Variants in DLG2 observed in about 807,000 individuals in gnomAD.
The protein encoded by DLG2 is discs large MAGUK scaffold protein 2, also known as disks large homolog 2.
A neutral mutation model predicts 132.5 loss-of-function variants in DLG2; 45 were observed. The ratio of observed to expected loss-of-function variants is 0.34; its 90% confidence interval spans 0.27 to 0.44. The LOEUF is 0.44. Ranked by LOEUF, DLG2 falls within the 20% of genes least tolerant of loss-of-function variation. The pLI is 1.00. For missense variants in DLG2, 1,045 were observed against 1,196.9 expected (o/e 0.87, Z 1.87); for synonymous variants, 424 against 419.6 (o/e 1.01, Z -0.13).
At chr11:85,502,175 A>T (rs181747684) in intron 3 of DLG2, among the ~76,000 whole-genome samples, 2 of 152,054 alleles carry the variant, frequency 1.3e-5, no homozygotes, top group Non-Finnish European at 1.5e-5. Flanking sequence ...AGATCAGAAA[A>T]CCAAACAGCT....
intron 6 of DLG2, among the ~76,000 whole-genome samples, chr11:84,715,964 G>C (rs1388848629): frequency 6.6e-6 from 1 of 151,982 alleles, no homozygotes; most frequent in African/African-American, 2.4e-5. Context: ...AATTCTATTT[G>C]TAATACATTT....
chr11:84,999,235 G>A (rs1298736918), intron 6 of DLG2, among the ~76,000 whole-genome samples: 1 of 152,010 alleles, frequency 6.6e-6, no homozygotes, highest in African/African-American at 2.4e-5. Flanking sequence ...TACATTACAA[G>A]GTTGCTAGGC....
intron 3 of DLG2, among the ~76,000 whole-genome samples, chr11:85,350,324 G>A (rs1392696952): frequency 1.3e-5 from 2 of 152,130 alleles, no homozygotes; most frequent in East Asian, 3.8e-4. Flanking sequence ...TGTCAGATGA[G>A]TAGATTGCAA....
chr11:83,524,433 T>C (rs2095556903), intron 21 of DLG2, among the ~76,000 whole-genome samples: 2 of 152,160 alleles, frequency 1.3e-5, no homozygotes, highest in Admixed American at 1.3e-4. Context: ...ACACTTTTTT[T>C]TTTTCCTGCT....
intron 18 of DLG2, among the ~76,000 whole-genome samples, chr11:83,711,243 G>C (rs985707282): frequency 6.6e-6 from 1 of 152,220 alleles, no homozygotes; most frequent in African/African-American, 2.4e-5. Flanking sequence ...GCTGTGTAAA[G>C]GGACAATCAC....
At chr11:84,811,719 T>G (rs930305409) in intron 6 of DLG2, among the ~76,000 whole-genome samples, 4 of 152,194 alleles carry the variant, frequency 2.6e-5, no homozygotes, top group African/African-American at 9.6e-5. Context: ...ATCCATTTAT[T>G]TATTTAAAAA....
At position 83,866,957 on chromosome 11, in the gene DLG2, T is replaced by C. The variant is rs535885645; in HGVS notation, c.1565+7463A>G. Among the ~76,000 whole-genome samples the C allele has an allele frequency of 8.5e-5, 13 of 152,310 alleles. No individual in the cohort carries two copies. In the South Asian group the frequency reaches 2.5e-3, roughly 29 times the overall value. ...AAACCAGAAGCCTACAGTTTGGAGA[T>C]ATTATTCCTCCATTTTTTCTAATTC... On this transcript the variant is annotated intron_variant, in intron 16 of 27. Coordinates refer to ENST00000376104, the MANE Select transcript of DLG2 (RefSeq NM_001142699.3).
chr11:85,242,459 T>C (rs2075933624), intron 4 of DLG2, among the ~76,000 whole-genome samples: 1 of 151,894 alleles, frequency 6.6e-6, no homozygotes, highest in Non-Finnish European at 1.5e-5. Flanking sequence ...GGAATTTACC[T>C]TTGTTACTTT....
rs76306340 is a variant in DLG2, at chr11:84,675,772, G to A, written c.358-141041C>T. On this transcript the variant is annotated intron_variant, in intron 6 of 27. Transcript: ENST00000376104. ...TCTCACTTCTCATCCCTTTTACACC[G>A]AGGAGGACTGAATTACTAGGTTCTG... is the stretch of plus-strand genomic sequence containing the variant. 3.2e-3 allele frequency among the ~76,000 whole-genome samples: 488 copies of A among 152,148 alleles called. 2 individuals carry two copies. Among genetic ancestry groups the A allele is most frequent in the East Asian group, 0.025 (127 of 5,158 alleles).
At chr11:85,581,726 A>G (rs2078539173) in intron 3 of DLG2, among the ~76,000 whole-genome samples, 2 of 152,210 alleles carry the variant, frequency 1.3e-5, no homozygotes, top group East Asian at 1.9e-4. Flanking sequence ...GACAGATAAG[A>G]GGAGAGACCA....
intron 9 of DLG2, 37 bp downstream of exon 9, chr11:84,163,424 A>T (rs2095591608): frequency 6.4e-7 from 1 of 1,553,940 alleles, no homozygotes; most frequent in African/African-American, 1.4e-5. Context: ...GTGAAATGCA[A>T]GATTGGGGCT....
intron 6 of DLG2, among the ~76,000 whole-genome samples, chr11:85,010,334 C>G (rs1406762935): frequency 6.6e-6 from 1 of 152,006 alleles, no homozygotes; most frequent in Non-Finnish European, 1.5e-5. Flanking sequence ...TCTGATGACA[C>G]ATTTTAAGTT....
At chr11:84,366,724 C>A (rs914568316) in intron 7 of DLG2, among the ~76,000 whole-genome samples, 5 of 152,140 alleles carry the variant, frequency 3.3e-5, no homozygotes, top group Non-Finnish European at 5.9e-5. Context: ...AAGGCCATTA[C>A]ATAATGGTAA....
intron 8 of DLG2, among the ~76,000 whole-genome samples, chr11:84,236,374 A>AT (rs1322902732): frequency 1.3e-5 from 2 of 152,174 alleles, no homozygotes; most frequent in East Asian, 3.9e-4. Flanking sequence ...TTGATATTTG[A>AT]TTTTTTTCTT....
At chr11:83,504,821 A>T (rs971187871) in intron 21 of DLG2, among the ~76,000 whole-genome samples, 4 of 152,194 alleles carry the variant, frequency 2.6e-5, no homozygotes, top group African/African-American at 9.6e-5. Flanking sequence ...TTCAGAGCAT[A>T]CGTGGCCTTC....
intron 6 of DLG2, among the ~76,000 whole-genome samples, chr11:85,070,142 G>A (rs1294548320): frequency 4.0e-5 from 6 of 151,778 alleles, no homozygotes; most frequent in Admixed American, 1.3e-4. Context: ...ATCACACACC[G>A]GGGCCTGTCG....
intron 14 of DLG2, among the ~76,000 whole-genome samples, chr11:83,932,437 C>A (rs914490942): frequency 6.6e-6 from 1 of 151,970 alleles, no homozygotes; most frequent in Non-Finnish European, 1.5e-5. Context: ...GGTTTCACTG[C>A]ATTAGCAAGG....
intron 6 of DLG2, among the ~76,000 whole-genome samples, chr11:84,627,945 C>G (rs2099625465): frequency 6.6e-6 from 1 of 152,058 alleles, no homozygotes; most frequent in African/African-American, 2.4e-5. Flanking sequence ...CTCCCACAGG[C>G]CCCACCTCCA....
At chr11:85,317,958 G>GT (rs1176422333) in intron 3 of DLG2, among the ~76,000 whole-genome samples, 1 of 151,630 alleles carries the variant, frequency 6.6e-6, no homozygotes, top group African/African-American at 2.4e-5. Flanking sequence ...GCACATCTGT[G>GT]TGTCTGTTCC....
Sources: gnomAD v4.1 joint callset for allele counts (sites outside exome capture counted in the v4.1 genomes callset) on GRCh38, gnomAD v4.1.1 for gene constraint, MANE v1.5 for transcripts, NCBI Gene and HGNC (gene_info 2026-07-23, HGNC 2026-07-21) for gene names.